Variants in CSMD1 observed in about 807,000 individuals in gnomAD.
CSMD1 encodes CUB and Sushi multiple domains 1.
A neutral mutation model predicts 417.5 loss-of-function variants in CSMD1; 213 were observed. The observed-to-expected ratio is 0.51, with a 90% CI of 0.46 to 0.57. The LOEUF (loss-of-function observed/expected upper bound fraction) is 0.57. CSMD1 is among the 20% of genes least tolerant of loss of function. The pLI is 0.00. For missense variants in CSMD1, 6,923 were observed against 4,529.7 expected (o/e 1.53, Z -15.17); for synonymous variants, 2,862 against 1,736.8 (o/e 1.65, Z -16.11).
At chr8:4,278,493 G>A (rs1359750390) in intron 3 of CSMD1, among the ~76,000 whole-genome samples, 3 of 152,102 alleles carry the variant, frequency 2.0e-5, no homozygotes, top group Admixed American at 6.6e-5. Context: ...TTAATATTAG[G>A]TTGACACAAA....
intron 10 of CSMD1, among the ~76,000 whole-genome samples, chr8:3,543,462 A>G (rs1417375079): frequency 6.6e-6 from 1 of 152,198 alleles, no homozygotes; most frequent in African/African-American, 2.4e-5. Context: ...ATTTGCAATA[A>G]TCTAGGCAAG....
intron 25 of CSMD1, among the ~76,000 whole-genome samples, chr8:3,294,206 G>A (rs189165793): frequency 6.7e-6 from 1 of 148,556 alleles, no homozygotes; most frequent in East Asian, 2.0e-4. Flanking sequence ...CAGAGTACCA[G>A]GCCGTGTGAG....
At chr8:3,182,491 A>G (rs9657392) in intron 36 of CSMD1, among the ~76,000 whole-genome samples, 2,559 of 152,190 alleles carry the variant, frequency 0.017, 45 homozygotes, top group Non-Finnish European at 0.029. Flanking sequence ...CTGGGATTAC[A>G]GGTGTGAGCC....
intron 1 of CSMD1, among the ~76,000 whole-genome samples, chr8:4,935,072 A>C (rs1452534391): frequency 6.6e-6 from 1 of 152,222 alleles, no homozygotes; most frequent in African/African-American, 2.4e-5. Flanking sequence ...TTAAAATCCC[A>C]TATCACAACA....
chr8:4,280,484 TCCACATTTCA>T (rs1796720907), intron 3 of CSMD1, among the ~76,000 whole-genome samples: 1 of 152,212 alleles, frequency 6.6e-6, no homozygotes, highest in Non-Finnish European at 1.5e-5. Flanking sequence ...CAGTATATCC[TCCACATTTCA>T]CAGAAAAATT....
chr8:4,249,360 C>A (rs142750485), intron 3 of CSMD1, among the ~76,000 whole-genome samples: 1 of 152,164 alleles, frequency 6.6e-6, no homozygotes, highest in Non-Finnish European at 1.5e-5. Context: ...GTTCAGTCTA[C>A]GGATGTTTCA....
chr8:4,441,248 G>A (rs896440750), intron 2 of CSMD1, among the ~76,000 whole-genome samples: 1 of 142,540 alleles, frequency 7.0e-6, no homozygotes, highest in Non-Finnish European at 1.5e-5. Context: ...ACAGGCCTGA[G>A]CACTACACTC....
At chr8:3,856,706 G>A (rs916616375) in intron 5 of CSMD1, among the ~76,000 whole-genome samples, 4 of 152,176 alleles carry the variant, frequency 2.6e-5, no homozygotes, top group African/African-American at 9.7e-5. Flanking sequence ...GGAAGATAGG[G>A]TATGCTGTTT....
Position 3,148,090 on chromosome 8 carries a change from T to C in CSMD1, c.6031+3307A>G, listed in dbSNP as rs926117991. On this transcript the variant is annotated intron_variant, in intron 40 of 69. Transcript: ENST00000635120. The stretch of plus-strand genomic sequence containing the variant: ...CATTAGGAAATAGGGGACCCTTTTC[T>C]GAGTTGTAACCACAGGAAATGTTCC... 2.0e-4 allele frequency among the ~76,000 whole-genome samples: 31 copies of C among 152,182 alleles called. 1 individual carries two copies. The highest frequency in any genetic ancestry group is 7.0e-4 in the African/African-American group (29 of 41,444).
intron 1 of CSMD1, among the ~76,000 whole-genome samples, chr8:4,815,540 A>G (rs2117357155): frequency 6.6e-6 from 1 of 151,996 alleles, no homozygotes; most frequent in South Asian, 2.1e-4. Flanking sequence ...TACTGAAAAT[A>G]CAAAAATTAG....
chr8:4,052,527 C>T (rs766430535), intron 3 of CSMD1, among the ~76,000 whole-genome samples: 3 of 152,034 alleles, frequency 2.0e-5, no homozygotes, highest in Non-Finnish European at 4.4e-5. Context: ...ATTTAGTTTG[C>T]TAGAACGTCA....
chr8:4,825,587 CAAAAAGCACA>C (rs11277306), intron 1 of CSMD1, among the ~76,000 whole-genome samples: 42,445 of 140,882 alleles, frequency 0.3, 6,234 homozygotes, highest in South Asian at 0.36. Context: ...CAAGTGGGAT[CAAAAAGCACA>C]GAAAAGAAAA....
chr8:4,295,302 CT>C (rs1797612847), intron 3 of CSMD1, among the ~76,000 whole-genome samples: 6 of 93,982 alleles, frequency 6.4e-5, no homozygotes, highest in African/African-American at 2.0e-4. Flanking sequence ...TTAAGATTAT[CT>C]ATATAATCTT....
intron 5 of CSMD1, among the ~76,000 whole-genome samples, chr8:3,901,549 G>A (rs1346408371): frequency 1.3e-5 from 2 of 152,156 alleles, no homozygotes; most frequent in East Asian, 1.9e-4. Flanking sequence ...TGCCGATCAC[G>A]TTTGCTCATA....
chr8:4,236,055 T>TTTTTTTTTTTTTTTTTTTTTG (rs1802038108), intron 3 of CSMD1, among the ~76,000 whole-genome samples: 4 of 83,750 alleles, frequency 4.8e-5, no homozygotes, highest in Non-Finnish European at 7.8e-5. Context: ...TTTTTTTTTT[T>TTTTTTTTTTTTTTTTTTTTTG]TTTTTTTTTT....
chr8:3,885,929 T>A (rs537172238), intron 5 of CSMD1, among the ~76,000 whole-genome samples: 1 of 152,092 alleles, frequency 6.6e-6, no homozygotes, highest in Non-Finnish European at 1.5e-5. Flanking sequence ...AAATATAAAT[T>A]GTTAAAAGTT....
In CSMD1 at chr8:3,961,802, T is replaced by G. The variant is rs116444399; in HGVS notation, c.818+36101A>C. On this transcript the variant is annotated intron_variant, in intron 5 of 69. Coordinates refer to ENST00000635120, the MANE Select transcript of CSMD1 (RefSeq NM_033225.6). ...ATAATGGTGCACTGGGTTTTTAATA[T>G]TTCCCGCTAGAAATGCTATTAAATA... Among the ~76,000 whole-genome samples, 617 of 152,310 alleles carry G rather than the reference T, an allele frequency of 4.1e-3. 8 individuals are homozygous for G. Among genetic ancestry groups the G allele is most frequent in the African/African-American group, 0.014 (595 of 41,562 alleles).
At chr8:3,233,717 G>A (rs973576232) in intron 26 of CSMD1, among the ~76,000 whole-genome samples, 1 of 152,070 alleles carries the variant, frequency 6.6e-6, no homozygotes, top group Admixed American at 6.5e-5. Context: ...TGTAAACTAA[G>A]TTGTTTGTAA....
chr8:4,993,029 C>T (rs1029920800), intron 1 of CSMD1, among the ~76,000 whole-genome samples: 24 of 152,218 alleles, frequency 1.6e-4, no homozygotes, highest in Non-Finnish European at 3.2e-4. Context: ...GTCTCTCCCC[C>T]GCTCTCCAGG....
Sources: gnomAD v4.1 joint callset for allele counts (sites outside exome capture counted in the v4.1 genomes callset) on GRCh38, gnomAD v4.1.1 for gene constraint, MANE v1.5 for transcripts, NCBI Gene and HGNC (gene_info 2026-07-23, HGNC 2026-07-21) for gene names.